Variants in KCND2 observed in about 807,000 individuals in gnomAD.
The protein encoded by KCND2 is potassium voltage-gated channel subfamily D member 2, also known as A-type voltage-gated potassium channel KCND2.
KCND2 carries 16 observed loss-of-function variants against 54.4 expected under a neutral mutation model. The ratio of observed to expected loss-of-function variants is 0.29; its 90% CI spans 0.20 to 0.45. KCND2 has a LOEUF of 0.45. KCND2 is among the 20% of genes least tolerant of loss of function. KCND2 has a pLI of 1.00. For missense variants in KCND2, 486 were observed against 824.2 expected (o/e 0.59, Z 5.02); for synonymous variants, 317 against 310.7 (o/e 1.02, Z -0.21).
chr7:120,500,751 A>G (rs1183916990), intron 1 of KCND2, among the ~76,000 whole-genome samples: 1 of 151,488 alleles, frequency 6.6e-6, no homozygotes, highest in Non-Finnish European at 1.5e-5. Flanking sequence ...TGGTTGATCA[A>G]CTTTGCTTTT....
At position 120,433,565 on chromosome 7, in the gene KCND2, G is replaced by A. The variant is rs567476914; in HGVS notation, c.1115+157818G>A. Among the ~76,000 whole-genome samples the A allele has an allele frequency of 2.0e-4, 31 of 152,306 alleles. No individual in the cohort carries two copies. The South Asian group carries it at 6.4e-3, about 32-fold the overall frequency. On this transcript the variant is annotated intron_variant, in intron 1 of 5. Transcript: ENST00000331113. The stretch of plus-strand genomic sequence containing the variant: ...TATAAGCCTGTCTTGAACTTAGACT[G>A]TTACCCCTTGGTGTAAAAAATACAT...
intron 1 of KCND2, among the ~76,000 whole-genome samples, chr7:120,428,448 T>A (rs1801744617): frequency 6.6e-6 from 1 of 152,042 alleles, no homozygotes; most frequent in South Asian, 2.1e-4. Context: ...GAGAAACAAG[T>A]GAAGAATGTT....
chr7:120,368,246 A>G (rs1045727804), intron 1 of KCND2, among the ~76,000 whole-genome samples: 1 of 152,030 alleles, frequency 6.6e-6, no homozygotes, highest in African/African-American at 2.4e-5. Flanking sequence ...ATCCAGTGAT[A>G]ATTTTTCTTC....
At chr7:120,434,883 T>G (rs1374702119) in intron 1 of KCND2, among the ~76,000 whole-genome samples, 2 of 152,032 alleles carry the variant, frequency 1.3e-5, no homozygotes, top group Non-Finnish European at 2.9e-5. Flanking sequence ...CCACCTGCAC[T>G]AGTCTGTGAT....
chr7:120,278,742 A>G (rs755215851), intron 1 of KCND2, among the ~76,000 whole-genome samples: 1 of 151,866 alleles, frequency 6.6e-6, no homozygotes, highest in Non-Finnish European at 1.5e-5. Flanking sequence ...TGCTTACTGT[A>G]TAAGTCATTA....
intron 1 of KCND2, among the ~76,000 whole-genome samples, chr7:120,311,610 G>A (rs915257820): frequency 1.1e-4 from 17 of 152,044 alleles, no homozygotes; most frequent in Non-Finnish European, 2.5e-4. Flanking sequence ...TACGTGTGCT[G>A]GTTTGTTACA....
chr7:120,453,916 T>G (rs1802156377), intron 1 of KCND2, among the ~76,000 whole-genome samples: 1 of 152,056 alleles, frequency 6.6e-6, no homozygotes. Context: ...GAAACCTGTC[T>G]CTACTGAAAA....
chr7:120,629,419 G>A (rs1229931150), intron 1 of KCND2, among the ~76,000 whole-genome samples: 1 of 152,174 alleles, frequency 6.6e-6, no homozygotes, highest in African/African-American at 2.4e-5. Flanking sequence ...CCGGGAGGCG[G>A]AGTTTGCAGT....
At chr7:120,636,203 A>G (rs1225126697) in intron 1 of KCND2, among the ~76,000 whole-genome samples, 1 of 152,116 alleles carries the variant, frequency 6.6e-6, no homozygotes, top group Non-Finnish European at 1.5e-5. Flanking sequence ...TAGAGAAGGG[A>G]CATATAATGA....
At chr7:120,437,914 G>T (rs1301497171) in intron 1 of KCND2, among the ~76,000 whole-genome samples, 1 of 152,168 alleles carries the variant, frequency 6.6e-6, no homozygotes, top group African/African-American at 2.4e-5. Context: ...ATGCCTCTTG[G>T]ATGATGCTCC....
chr7:120,534,873 A>G (rs1306695323), intron 1 of KCND2, among the ~76,000 whole-genome samples: 2 of 152,184 alleles, frequency 1.3e-5, no homozygotes, highest in Non-Finnish European at 2.9e-5. Flanking sequence ...CACAAGTGGA[A>G]TGATAAAAGA....
chr7:120,540,097 A>G (rs1310285502), intron 1 of KCND2, among the ~76,000 whole-genome samples: 1 of 152,046 alleles, frequency 6.6e-6, no homozygotes, highest in East Asian at 1.9e-4. Context: ...GGGTCTTAAC[A>G]TGTTGCCTAG....
At chr7:120,409,593 C>T (rs1424909465) in intron 1 of KCND2, among the ~76,000 whole-genome samples, 2 of 151,756 alleles carry the variant, frequency 1.3e-5, no homozygotes, top group Non-Finnish European at 2.9e-5. Context: ...GTCTAAAGGA[C>T]GTGTAGTGAT....
chr7:120,519,050 A>C (rs1306832781), intron 1 of KCND2, among the ~76,000 whole-genome samples: 2 of 152,062 alleles, frequency 1.3e-5, no homozygotes, highest in Admixed American at 6.6e-5. Context: ...TGGCCTTGGC[A>C]GTACGTGGTG....
At chr7:120,544,305 A>G (rs951925315) in intron 1 of KCND2, among the ~76,000 whole-genome samples, 2 of 151,948 alleles carry the variant, frequency 1.3e-5, no homozygotes, top group African/African-American at 4.8e-5. Flanking sequence ...TAAATGGCTC[A>G]TGCTCGGATT....
intron 1 of KCND2, among the ~76,000 whole-genome samples, chr7:120,552,076 T>G (rs1792111002): frequency 6.6e-6 from 1 of 152,074 alleles, no homozygotes; most frequent in African/African-American, 2.4e-5. Flanking sequence ...ATAAATGTCT[T>G]CCCCCAAGAG....
chr7:120,691,549 GGA>G (rs1792269081), intron 1 of KCND2, among the ~76,000 whole-genome samples: 1 of 152,146 alleles, frequency 6.6e-6, no homozygotes, highest in South Asian at 2.1e-4. Flanking sequence ...GTAAACTGGG[GGA>G]GACAGGGAGG....
chr7:120,465,286 C>T (rs1409602732), intron 1 of KCND2, among the ~76,000 whole-genome samples: 4 of 151,600 alleles, frequency 2.6e-5, no homozygotes, highest in South Asian at 4.2e-4. Context: ...TTCTATGTAG[C>T]GAAGAGCTAA....
intron 1 of KCND2, among the ~76,000 whole-genome samples, chr7:120,685,944 T>C (rs1792195831): frequency 6.6e-6 from 1 of 152,114 alleles, no homozygotes; most frequent in South Asian, 2.1e-4. Context: ...GAAGCACAAT[T>C]CCTAGATCTC....
Sources: allele counts gnomAD v4.1 joint callset (sites outside exome capture counted in the v4.1 genomes callset), GRCh38; gene constraint gnomAD v4.1.1; transcripts MANE v1.5; gene names NCBI Gene and HGNC (gene_info 2026-07-23, HGNC 2026-07-21).